Variants in TMEM108 observed in about 807,000 individuals in gnomAD.
TMEM108 encodes the protein cancer/testis antigen 124.
A neutral mutation model predicts 35.1 loss-of-function variants in TMEM108; 12 were observed. The observed-to-expected ratio is 0.34, with a 90% CI of 0.22 to 0.55. TMEM108 has a LOEUF of 0.55. Ranked by LOEUF, TMEM108 falls within the 20% of genes least tolerant of loss-of-function variation. TMEM108 has a pLI of 0.89. For missense variants in TMEM108, 680 were observed against 753.3 expected, an observed-to-expected ratio of 0.90 and a Z score of 1.14; for synonymous variants, 287 against 308.6, an observed-to-expected ratio of 0.93 and a Z score of 0.73.
At chr3:133,180,689 T>C (rs1280268587) in intron 2 of TMEM108, among the ~76,000 whole-genome samples, 1 of 152,174 alleles carries the variant, frequency 6.6e-6, no homozygotes, top group East Asian at 1.9e-4. Flanking sequence ...AAGATTTAAC[T>C]AGCTTTGTAA....
intron 3 of TMEM108, among the ~76,000 whole-genome samples, chr3:133,296,399 A>T (rs973847713): frequency 3.3e-5 from 5 of 152,116 alleles, no homozygotes; most frequent in African/African-American, 9.7e-5. Flanking sequence ...GGGGCTTAGA[A>T]CCCTCATGGG....
At chr3:133,227,262 G>A (rs1299323282) in intron 2 of TMEM108, among the ~76,000 whole-genome samples, 2 of 131,384 alleles carry the variant, frequency 1.5e-5, no homozygotes, top group Admixed American at 9.1e-5. Context: ...GCGCAATCTC[G>A]GCTCACTGCA....
At chr3:133,389,404 G>A (rs1179488734) in intron 4 of TMEM108, 2 of 985,324 alleles carry the variant, frequency 2.0e-6, no homozygotes, top group East Asian at 1.1e-4. Flanking sequence ...GACTGGCCAG[G>A]TGCAGTGGCT....
chr3:133,209,887 C>G (rs1232376952), intron 2 of TMEM108, among the ~76,000 whole-genome samples: 1 of 152,070 alleles, frequency 6.6e-6, no homozygotes, highest in Non-Finnish European at 1.5e-5. Flanking sequence ...AACCTCATCT[C>G]TCTCCTTTTC....
intron 2 of TMEM108, among the ~76,000 whole-genome samples, chr3:133,051,252 A>G (rs2107675055): frequency 6.6e-6 from 1 of 152,116 alleles, no homozygotes; most frequent in Middle Eastern, 3.4e-3. Context: ...TTTAATTTGC[A>G]TTTCCCTGAT....
intron 3 of TMEM108, among the ~76,000 whole-genome samples, chr3:133,266,713 A>G (rs778697702): frequency 3.3e-5 from 5 of 152,210 alleles, no homozygotes; most frequent in South Asian, 2.1e-4. Flanking sequence ...TAAACAGTCA[A>G]TGGATTGCAT....
chr3:133,130,738 G>A (rs989227381), intron 2 of TMEM108, among the ~76,000 whole-genome samples: 1 of 152,132 alleles, frequency 6.6e-6, no homozygotes, highest in Non-Finnish European at 1.5e-5. Flanking sequence ...GGCCACTATT[G>A]GAAGATATAG....
At chr3:133,363,749 T>C (rs1239448885) in intron 3 of TMEM108, among the ~76,000 whole-genome samples, 1 of 152,136 alleles carries the variant, frequency 6.6e-6, no homozygotes, top group African/African-American at 2.4e-5. Flanking sequence ...TACTGTCCAA[T>C]AGAAATATAC....
chr3:133,327,636 A>C (rs2071347283), intron 3 of TMEM108, among the ~76,000 whole-genome samples: 1 of 152,158 alleles, frequency 6.6e-6, no homozygotes, highest in Non-Finnish European at 1.5e-5. Flanking sequence ...ATGTGCAGTT[A>C]ACATCTTCTT....
chr3:133,144,355 C>A (rs1036753404), intron 2 of TMEM108, among the ~76,000 whole-genome samples: 1 of 152,272 alleles, frequency 6.6e-6, no homozygotes, highest in Non-Finnish European at 1.5e-5. Flanking sequence ...GCCACATTTT[C>A]TTTATCCAGT....
At chr3:133,350,965 A>G (rs887523938) in intron 3 of TMEM108, among the ~76,000 whole-genome samples, 1 of 152,176 alleles carries the variant, frequency 6.6e-6, no homozygotes, top group Non-Finnish European at 1.5e-5. Context: ...TCCCTAAGTT[A>G]TATTACAAAG....
chr3:133,312,718 C>T (rs1315836154), intron 3 of TMEM108, among the ~76,000 whole-genome samples: 1 of 152,218 alleles, frequency 6.6e-6, no homozygotes, highest in Admixed American at 6.5e-5. Flanking sequence ...CTTTGGCTCG[C>T]CCTCTGTGGG....
chr3:133,304,790 A>G (rs550130346), intron 3 of TMEM108, among the ~76,000 whole-genome samples: 2 of 152,150 alleles, frequency 1.3e-5, no homozygotes, highest in Non-Finnish European at 2.9e-5. Context: ...GTCTGTTAAC[A>G]ATAATGTTAG....
intron 3 of TMEM108, among the ~76,000 whole-genome samples, chr3:133,319,719 C>G (rs2071242387): frequency 6.6e-6 from 1 of 152,162 alleles, no homozygotes; most frequent in African/African-American, 2.4e-5. Flanking sequence ...TGCAGACATT[C>G]CCTAGCGCCA....
At chr3:133,242,409 A>T (rs537166350) in intron 3 of TMEM108, among the ~76,000 whole-genome samples, 1 of 152,318 alleles carries the variant, frequency 6.6e-6, no homozygotes, top group South Asian at 2.1e-4. Context: ...ATGAGTTTAT[A>T]CAGTTTTTTG....
chr3:133,237,706 C>G (rs939706801), intron 3 of TMEM108, among the ~76,000 whole-genome samples: 1 of 152,104 alleles, frequency 6.6e-6, no homozygotes, highest in African/African-American at 2.4e-5. Context: ...AATGCAGAAG[C>G]TGATAAGAGA....
intron 3 of TMEM108, among the ~76,000 whole-genome samples, chr3:133,345,962 G>A (rs2071806569): frequency 6.6e-6 from 1 of 151,800 alleles, no homozygotes; most frequent in African/African-American, 2.4e-5. Context: ...TTTGTGCTTT[G>A]ATAACTCATT....
chr3:133,370,734 T>C (rs758431060), intron 3 of TMEM108, among the ~76,000 whole-genome samples: 2 of 152,218 alleles, frequency 1.3e-5, no homozygotes, highest in Non-Finnish European at 2.9e-5. Context: ...ACTTTTCGTA[T>C]GTGAGTTTAT....
chr3:133,103,963 A>C (rs1425239423), intron 2 of TMEM108, among the ~76,000 whole-genome samples: 4 of 152,222 alleles, frequency 2.6e-5, no homozygotes, highest in Admixed American at 2.6e-4. Context: ...GCTATTGTGA[A>C]ACCAAAGAGT....
Sources: allele counts gnomAD v4.1 joint callset (sites outside exome capture counted in the v4.1 genomes callset), GRCh38; gene constraint gnomAD v4.1.1; transcripts MANE v1.5; gene names NCBI Gene and HGNC (gene_info 2026-07-23, HGNC 2026-07-21).